Variants in LTBP1 observed in about 807,000 individuals in gnomAD.
LTBP1 encodes the protein latent-transforming growth factor beta-binding protein 1.
LTBP1 carries 129 observed loss-of-function variants against 207.6 expected under a neutral mutation model. The ratio of observed to expected loss-of-function variants is 0.62; its 90% CI spans 0.54 to 0.72. LTBP1 has a LOEUF of 0.72. Among genes scored for constraint, LTBP1 ranks in the 30% least tolerant of loss-of-function variants. The pLI is 0.00. For missense variants in LTBP1, 2,281 were observed against 2,217.2 expected (o/e 1.03, Z -0.58); for synonymous variants, 963 against 833.7 (o/e 1.16, Z -2.67).
At position 33,244,138 on chromosome 2, in the gene LTBP1, C is replaced by T. The variant is rs527717348; in HGVS notation, c.1999+354C>T. 5.9e-5 allele frequency among the ~76,000 whole-genome samples: 9 copies of T among 152,264 alleles called. No individual in the cohort carries two copies. In the East Asian group the frequency reaches 7.7e-4, roughly 13 times the overall value. On this transcript the variant is annotated intron_variant, in intron 10 of 33. Coordinates refer to ENST00000404816, the MANE Select transcript of LTBP1 (RefSeq NM_206943.4). ...ACAGTAAGTTTTTCCTTCATAAATA[C>T]GGTATTTTAAGCATTCTTTAGGTTG...
At chr2:33,350,558 A>G (rs754899723) in intron 26 of LTBP1, among the ~76,000 whole-genome samples, 2 of 152,232 alleles carry the variant, frequency 1.3e-5, no homozygotes, top group African/African-American at 2.4e-5. Flanking sequence ...CTAATGTCCT[A>G]GGGTTTTTAT....
At chr2:33,207,568 T>G (rs2089978286) in intron 7 of LTBP1, among the ~76,000 whole-genome samples, 1 of 152,336 alleles carries the variant, frequency 6.6e-6, no homozygotes, top group East Asian at 1.9e-4. Flanking sequence ...AGCAAATTTT[T>G]TTACAAGTTC....
chr2:33,250,900 C>T (rs2092664018), intron 10 of LTBP1, among the ~76,000 whole-genome samples: 1 of 152,174 alleles, frequency 6.6e-6, no homozygotes, highest in African/African-American at 2.4e-5. Flanking sequence ...CTAACACCAG[C>T]ATGGACTGCG....
At chr2:33,262,616 G>T in intron 13 of LTBP1, 106 bp from the exon 14 acceptor site, 19 of 376,666 alleles carry the variant, frequency 5.0e-5, no homozygotes, top group East Asian at 2.7e-4. Context: ...GCCTTTCTAA[G>T]AATATAATTA....
At chr2:32,963,687 C>A (rs1415233905) in intron 2 of LTBP1, among the ~76,000 whole-genome samples, 1 of 152,186 alleles carries the variant, frequency 6.6e-6, no homozygotes, top group Admixed American at 6.5e-5. Flanking sequence ...TTCTTCAAAG[C>A]CACATTTATC....
At chr2:33,314,380 T>C (rs761097090) in intron 23 of LTBP1, among the ~76,000 whole-genome samples, 14 of 152,052 alleles carry the variant, frequency 9.2e-5, no homozygotes, top group Non-Finnish European at 1.8e-4. Flanking sequence ...TGAGACCCCA[T>C]CTCTGCCAAA....
chr2:33,043,452 G>T (rs1406296085), intron 3 of LTBP1, among the ~76,000 whole-genome samples: 2 of 152,188 alleles, frequency 1.3e-5, no homozygotes, highest in East Asian at 3.9e-4. Context: ...TATGCATCTT[G>T]CCATGCTATA....
intron 5 of LTBP1, among the ~76,000 whole-genome samples, chr2:33,154,145 C>T (rs1188365779): frequency 6.6e-6 from 1 of 152,148 alleles, no homozygotes; most frequent in African/African-American, 2.4e-5. Context: ...CTTGAATGTG[C>T]CTTTCTTTCC....
At chr2:33,214,291 C>T (rs1253725998) in intron 7 of LTBP1, among the ~76,000 whole-genome samples, 1 of 152,070 alleles carries the variant, frequency 6.6e-6, no homozygotes, top group African/African-American at 2.4e-5. Context: ...GCCTTTCCTC[C>T]CTTCAGTCCT....
At chr2:33,339,875 C>A (rs1178464274) in intron 24 of LTBP1, among the ~76,000 whole-genome samples, 1 of 151,934 alleles carries the variant, frequency 6.6e-6, no homozygotes, top group Non-Finnish European at 1.5e-5. Flanking sequence ...GAACTCCCGA[C>A]CTCAGGTGAT....
At chr2:33,300,742 T>C (rs1042515811) in intron 21 of LTBP1, among the ~76,000 whole-genome samples, 169 bp downstream of exon 21, 6 of 152,158 alleles carry the variant, frequency 3.9e-5, no homozygotes, top group African/African-American at 1.2e-4. Context: ...TAAAACAAGA[T>C]TGAAGACAGT....
chr2:33,314,127 T>C (rs1307330567), intron 23 of LTBP1, among the ~76,000 whole-genome samples: 1 of 152,168 alleles, frequency 6.6e-6, no homozygotes, highest in African/African-American at 2.4e-5. Context: ...TATGGCATGA[T>C]CTGTTCATGA....
chr2:33,027,953 G>T (rs573071834), intron 3 of LTBP1, among the ~76,000 whole-genome samples: 14 of 152,346 alleles, frequency 9.2e-5, no homozygotes, highest in African/African-American at 3.1e-4. Flanking sequence ...ACCATGTAAA[G>T]TTTGATCATA....
chr2:33,238,439 T>G (rs1378834852), intron 9 of LTBP1, among the ~76,000 whole-genome samples: 1 of 152,234 alleles, frequency 6.6e-6, no homozygotes, highest in Non-Finnish European at 1.5e-5. Flanking sequence ...TCGTAATATA[T>G]TATGCACCAA....
intron 31 of LTBP1, among the ~76,000 whole-genome samples, chr2:33,387,909 C>T (rs946247088): frequency 6.6e-6 from 1 of 152,176 alleles, no homozygotes; most frequent in Non-Finnish European, 1.5e-5. Flanking sequence ...TGTGACTGCC[C>T]CACTCATGTC....
At chr2:33,247,739 C>G (rs568591607) in intron 10 of LTBP1, among the ~76,000 whole-genome samples, 3 of 152,314 alleles carry the variant, frequency 2.0e-5, no homozygotes, top group African/African-American at 7.2e-5. Flanking sequence ...TCATGTATGG[C>G]CTGTGTAACT....
chr2:33,333,472 TG>T (rs1380072151), intron 24 of LTBP1, among the ~76,000 whole-genome samples: 1 of 152,166 alleles, frequency 6.6e-6, no homozygotes, highest in African/African-American at 2.4e-5. Flanking sequence ...GGCAACATGA[TG>T]GAGAGAAATG....
intron 3 of LTBP1, among the ~76,000 whole-genome samples, chr2:33,102,198 G>A (rs1236002181): frequency 6.6e-6 from 1 of 152,130 alleles, no homozygotes; most frequent in Non-Finnish European, 1.5e-5. Flanking sequence ...GTAATAGTTT[G>A]GTGATAGTAG....
intron 7 of LTBP1, among the ~76,000 whole-genome samples, chr2:33,189,415 C>G (rs2087589650): frequency 6.6e-6 from 1 of 152,150 alleles, no homozygotes; most frequent in African/African-American, 2.4e-5. Flanking sequence ...AGGTTGGTCT[C>G]AAACTCCTGA....
Sources: gnomAD v4.1 joint callset for allele counts (sites outside exome capture counted in the v4.1 genomes callset) on GRCh38, gnomAD v4.1.1 for gene constraint, MANE v1.5 for transcripts, NCBI Gene and HGNC (gene_info 2026-07-23, HGNC 2026-07-21) for gene names.